SACM1L: variants seen among roughly 807,000 people sequenced by gnomAD.
SACM1L encodes phosphatidylinositol-3-phosphatase SAC1.
Under a neutral mutation model 89.5 loss-of-function variants are expected in SACM1L, and 32 were observed. The ratio of observed to expected loss-of-function variants is 0.36; its 90% CI spans 0.27 to 0.48. The LOEUF is 0.48. SACM1L is among the 20% of genes least tolerant of loss of function. The probability of loss-of-function intolerance (pLI) is 0.99; values close to 1 mark genes in which losing one functional copy is unlikely to be tolerated. For missense variants in SACM1L, 543 were observed against 708.5 expected (o/e 0.77, Z 2.65); for synonymous variants, 213 against 232.8 (o/e 0.92, Z 0.77).
At chr3:45,717,132 C>G (rs1042373924) in intron 7 of SACM1L, among the ~76,000 whole-genome samples, 1 of 152,194 alleles carries the variant, frequency 6.6e-6, no homozygotes, top group Non-Finnish European at 1.5e-5. Context: ...GAGCCCTTAT[C>G]AAGTCTGATG....
chr3:45,729,305 G>A (rs554821037), intron 11 of SACM1L, among the ~76,000 whole-genome samples: 7 of 151,778 alleles, frequency 4.6e-5, no homozygotes, highest in Non-Finnish European at 8.8e-5. Context: ...GGCTAGTCTC[G>A]AACTCCTGAC....
intron 6 of SACM1L, chr3:45,713,665 AG>A (rs1294897188): frequency 6.1e-6 from 1 of 164,800 alleles, no homozygotes; most frequent in Non-Finnish European, 1.3e-5. Flanking sequence ...TATTGAATCT[AG>A]GTAAATAGAT....
chr3:45,719,477 A>T, intron 7 of SACM1L, 23 bp from the exon 8 acceptor site: 3 of 1,300,912 alleles, frequency 2.3e-6, no homozygotes, highest in African/African-American at 1.5e-5. Context: ...ATTATATGTT[A>T]TATTTTTCTT....
intron 1 of SACM1L, 83 bp downstream of exon 1, chr3:45,689,580 C>T (rs1201490437): frequency 3.4e-6 from 5 of 1,463,388 alleles, no homozygotes; most frequent in Non-Finnish European, 4.6e-6. Context: ...GCTTCTGAGT[C>T]CCGGATTGCA....
intron 13 of SACM1L, among the ~76,000 whole-genome samples, chr3:45,733,173 T>C (rs948586451): frequency 1.3e-5 from 2 of 152,188 alleles, no homozygotes; most frequent in Non-Finnish European, 2.9e-5. Flanking sequence ...ACTCCAGAGT[T>C]TGTGTTCGTT....
At chr3:45,717,917 CAAAT>C (rs1237087399) in intron 7 of SACM1L, among the ~76,000 whole-genome samples, 1 of 152,152 alleles carries the variant, frequency 6.6e-6, no homozygotes, top group Non-Finnish European at 1.5e-5. Flanking sequence ...GCCTCTCTCT[CAAAT>C]AAATACATAA....
chr3:45,710,035 C>T (rs1341704594), intron 5 of SACM1L, among the ~76,000 whole-genome samples: 4 of 152,032 alleles, frequency 2.6e-5, no homozygotes, highest in South Asian at 2.1e-4. Flanking sequence ...TCTCAGTGTT[C>T]GGTAGTGTAG....
At chr3:45,723,382 A>T in intron 10 of SACM1L, 93 bp from the exon 11 acceptor site, 1 of 422,064 alleles carries the variant, frequency 2.4e-6, no homozygotes. Flanking sequence ...TAAGACATTT[A>T]AGGAGGTCCT....
intron 1 of SACM1L, 91 bp downstream of exon 1, chr3:45,689,588 G>T: frequency 1.4e-6 from 2 of 1,420,470 alleles, no homozygotes; most frequent in Non-Finnish European, 1.9e-6. Context: ...GTCCCGGATT[G>T]CAGATAGGGT....
In SACM1L at chr3:45,709,653, C is replaced by T; in HGVS notation, c.483+6C>T. 6.3e-7 allele frequency: 1 copy of T among 1,592,614 alleles called. No individual in the cohort carries two copies. The highest frequency in any genetic ancestry group is 8.5e-7 in the Non-Finnish European group (1 of 1,174,020). ...AAATGAGTCTCTTGGAAAGGGTAAG[C>T]TTGATCTTCAATTATTTTTATTTTT... On this transcript the variant is annotated splice_donor_region_variant and intron_variant, in intron 5 of 19. Transcript: ENST00000389061.
chr3:45,715,911 T>G (rs1270742402), intron 7 of SACM1L, among the ~76,000 whole-genome samples: 1 of 152,186 alleles, frequency 6.6e-6, no homozygotes, highest in East Asian at 1.9e-4. Context: ...TATAGAACCT[T>G]TTTTTCTAGG....
intron 8 of SACM1L, 102 bp from the exon 9 acceptor site, chr3:45,721,898 T>A (rs544968881): frequency 2.1e-4 from 152 of 739,370 alleles, no homozygotes; most frequent in Non-Finnish European, 3.1e-4. Context: ...TCCACTAACT[T>A]GAACTGACTT....
chr3:45,719,653 G>A (rs753269052), intron 8 of SACM1L, 52 bp downstream of exon 8: 19 of 1,048,222 alleles, frequency 1.8e-5, no homozygotes, highest in South Asian at 7.3e-5. Context: ...TTTGTCTTAC[G>A]GTGACACGAA....
In SACM1L at chr3:45,740,633, A is replaced by C. The variant is rs146982883; in HGVS notation, c.1627+989A>C. Among the ~76,000 whole-genome samples the C allele has an allele frequency of 4.0e-3, 605 of 152,366 alleles. 3 individuals are homozygous for C. Among genetic ancestry groups the C allele is most frequent in the African/African-American group, 0.013 (550 of 41,584 alleles). On this transcript the variant is annotated intron_variant, in intron 19 of 19. Transcript: ENST00000389061. ...ATTATAGAAAGCACACGTAGGCAGA[A>C]AAGGAGAAAATATTATTTATCATCA...
At chr3:45,724,596 A>G (rs1698873890) in intron 11 of SACM1L, among the ~76,000 whole-genome samples, 1 of 151,926 alleles carries the variant, frequency 6.6e-6, no homozygotes, top group Non-Finnish European at 1.5e-5. Flanking sequence ...CTTTAGGTTG[A>G]TTTTTTACTC....
intron 1 of SACM1L, among the ~76,000 whole-genome samples, chr3:45,697,835 T>A (rs1247146170): frequency 6.6e-6 from 1 of 152,184 alleles, no homozygotes; most frequent in Admixed American, 6.5e-5. Context: ...CCAGATAGTT[T>A]ATATAGGACC....
chr3:45,720,940 A>G (rs1229985509), intron 8 of SACM1L, among the ~76,000 whole-genome samples: 1 of 152,234 alleles, frequency 6.6e-6, no homozygotes, highest in Non-Finnish European at 1.5e-5. Flanking sequence ...CTTTCTGATA[A>G]TTTGGTAATT....
chr3:45,734,185 G>T (rs1363171593), intron 13 of SACM1L, among the ~76,000 whole-genome samples: 1 of 148,804 alleles, frequency 6.7e-6, no homozygotes, highest in Non-Finnish European at 1.5e-5. Flanking sequence ...AGCCAAGGCA[G>T]ACGGATCACC....
chr3:45,690,797 G>C (rs978535577), intron 1 of SACM1L, among the ~76,000 whole-genome samples: 7 of 152,198 alleles, frequency 4.6e-5, no homozygotes, highest in Admixed American at 3.9e-4. Flanking sequence ...TGGTGAAAGA[G>C]TTGAAGGAAG....
Sources: gnomAD v4.1 joint callset for allele counts (sites outside exome capture counted in the v4.1 genomes callset) on GRCh38, gnomAD v4.1.1 for gene constraint, MANE v1.5 for transcripts, NCBI Gene and HGNC (gene_info 2026-07-23, HGNC 2026-07-21) for gene names.